The following N4BP2 variants were observed in gnomAD, a reference collection of about 807,000 sequenced individuals.
N4BP2 encodes NEDD4 binding protein 2, also known as NEDD4-binding protein 2.
N4BP2 carries 91 observed loss-of-function variants against 152.8 expected under a neutral mutation model. That is an observed-to-expected ratio of 0.60 (90% confidence interval 0.50 to 0.71). The LOEUF is 0.71. Among genes scored for constraint, N4BP2 ranks in the 30% least tolerant of loss-of-function variants. The pLI is 0.00. For synonymous variants in N4BP2, 646 were observed against 705.3 expected (o/e 0.92, Z 1.33); for missense variants, 1,923 against 2,059.1 (o/e 0.93, Z 1.28).
intron 13 of N4BP2, among the ~76,000 whole-genome samples, chr4:40,135,268 G>T (rs940731446): frequency 1.7e-4 from 26 of 151,522 alleles, no homozygotes; most frequent in African/African-American, 5.6e-4. Context: ...TCCCTACAAA[G>T]GACATGAACT....
At chr4:40,174,679 G>C in the N4BP2 span, among the ~76,000 whole-genome samples, 8 of 151,976 alleles carry the variant, frequency 5.3e-5, no homozygotes, top group Non-Finnish European at 8.8e-5. Flanking sequence ...GTGCGCACCT[G>C]TCATCCCAGT....
At chr4:40,144,605 T>A in intron 15 of N4BP2, 27 bp from the exon 16 acceptor site, 1 of 1,565,058 alleles carries the variant, frequency 6.4e-7, no homozygotes, top group Non-Finnish European at 8.7e-7. Context: ...AGCAAAACTG[T>A]CCCTTGGTGA....
the N4BP2 span, among the ~76,000 whole-genome samples, chr4:40,166,237 A>G: frequency 1.3e-5 from 2 of 152,222 alleles, no homozygotes; most frequent in African/African-American, 4.8e-5. Context: ...CCTGTTTCAC[A>G]TGAAGAATTT....
chr4:40,186,624 A>G, the N4BP2 span, among the ~76,000 whole-genome samples: 1 of 152,352 alleles, frequency 6.6e-6, no homozygotes, highest in Non-Finnish European at 1.5e-5. Flanking sequence ...TGTGTATACA[A>G]CAAGTTGAAT....
intron 16 of N4BP2, among the ~76,000 whole-genome samples, chr4:40,146,869 CTT>C (rs33993973): frequency 0.21 from 18,899 of 90,060 alleles, 2,148 homozygotes; most frequent in East Asian, 0.43. Context: ...ATGTGTTTGG[CTT>C]TTTTTTTTTT....
At chr4:40,115,462 C>T (rs1204240347) in intron 7 of N4BP2, among the ~76,000 whole-genome samples, 1 of 152,182 alleles carries the variant, frequency 6.6e-6, no homozygotes, top group East Asian at 1.9e-4. Context: ...TGCCATTGCA[C>T]TCCAGCCTAG....
At chr4:40,186,851 C>A in the N4BP2 span, among the ~76,000 whole-genome samples, 6 of 152,154 alleles carry the variant, frequency 3.9e-5, no homozygotes, top group African/African-American at 1.4e-4. Context: ...GACTATTTTT[C>A]CTGATAAGTC....
chr4:40,070,767 A>G (rs1404338650), intron 1 of N4BP2, among the ~76,000 whole-genome samples: 1 of 151,516 alleles, frequency 6.6e-6, no homozygotes, highest in Admixed American at 6.6e-5. Context: ...TACTTATACT[A>G]TATTCAGATT....
At chr4:40,134,739 G>A (rs1719200758) in intron 13 of N4BP2, among the ~76,000 whole-genome samples, 2 of 152,080 alleles carry the variant, frequency 1.3e-5, no homozygotes, top group Non-Finnish European at 2.9e-5. Context: ...AAGTGGAACT[G>A]GTAGTTGCAC....
intron 5 of N4BP2, among the ~76,000 whole-genome samples, chr4:40,108,512 C>T (rs758766225): frequency 6.6e-6 from 1 of 151,900 alleles, no homozygotes; most frequent in Non-Finnish European, 1.5e-5. Flanking sequence ...GACGGGATTT[C>T]ACCATGTTGG....
intron 15 of N4BP2, among the ~76,000 whole-genome samples, chr4:40,144,316 C>T (rs1361900942): frequency 6.6e-6 from 1 of 152,192 alleles, no homozygotes; most frequent in Non-Finnish European, 1.5e-5. Flanking sequence ...AGGTATCCCT[C>T]AGTCCAGTCA....
intron 14 of N4BP2, among the ~76,000 whole-genome samples, chr4:40,141,668 C>T (rs1427873496): frequency 6.6e-6 from 1 of 152,178 alleles, no homozygotes; most frequent in Non-Finnish European, 1.5e-5. Flanking sequence ...AGACGCTCCT[C>T]ACTTCCCAGA....
intron 2 of N4BP2, among the ~76,000 whole-genome samples, chr4:40,092,047 G>T (rs1055184044): frequency 0.038 from 1,546 of 40,680 alleles, 59 homozygotes; most frequent in African/African-American, 0.12. Context: ...TATATATATA[G>T]CTGAATTTTA....
chr4:40,096,311 C>T (rs756841870), intron 2 of N4BP2, among the ~76,000 whole-genome samples: 1 of 152,046 alleles, frequency 6.6e-6, no homozygotes, highest in Non-Finnish European at 1.5e-5. Flanking sequence ...GAGAAGGTAA[C>T]ATTTGAATAA....
At chr4:40,152,955 A>G in intron 17 of N4BP2, 52 bp downstream of exon 17, 1 of 1,579,366 alleles carries the variant, frequency 6.3e-7, no homozygotes, top group Non-Finnish European at 8.7e-7. Context: ...ATAGATCTTT[A>G]TCAGATATTT....
At chr4:40,064,502 C>T (rs368489718) in intron 1 of N4BP2, among the ~76,000 whole-genome samples, 13 of 151,920 alleles carry the variant, frequency 8.6e-5, no homozygotes, top group East Asian at 7.8e-4. Context: ...CTCAAACTCC[C>T]GACCTTGTGA....
At chr4:40,057,480 T>C (rs927553819) in intron 1 of N4BP2, among the ~76,000 whole-genome samples, 1 of 152,320 alleles carries the variant, frequency 6.6e-6, no homozygotes, top group East Asian at 1.9e-4. Context: ...CCTGAGCACA[T>C]AGTCCTAGCA....
At chr4:40,065,743 T>C (rs1733989620) in intron 1 of N4BP2, among the ~76,000 whole-genome samples, 1 of 152,148 alleles carries the variant, frequency 6.6e-6, no homozygotes, top group Admixed American at 6.6e-5. Flanking sequence ...GTTCTTCCAA[T>C]GCAGGGATTT....
At chr4:40,099,011 A>G (rs1200566200) in intron 3 of N4BP2, among the ~76,000 whole-genome samples, 1 of 152,188 alleles carries the variant, frequency 6.6e-6, no homozygotes, top group Non-Finnish European at 1.5e-5. Flanking sequence ...TTTCGTGAAT[A>G]ATTAATATTG....
Sources: gnomAD v4.1 joint callset for allele counts (sites outside exome capture counted in the v4.1 genomes callset) on GRCh38, gnomAD v4.1.1 for gene constraint, MANE v1.5 for transcripts, NCBI Gene and HGNC (gene_info 2026-07-23, HGNC 2026-07-21) for gene names.